Variants in ANOS1 observed in about 807,000 individuals in gnomAD.
ANOS1 encodes anosmin-1.
In ANOS1, 6 loss-of-function variants were observed where a neutral mutation model predicts 59.0. The observed-to-expected ratio is 0.10, with a 90% CI of 0.06 to 0.20. The LOEUF (loss-of-function observed/expected upper bound fraction) is 0.20, where lower values mean the gene tolerates loss of function less well. ANOS1 is among the 10% of genes least tolerant of loss of function. ANOS1 has a pLI of 1.00. For synonymous variants in ANOS1, 217 were observed against 223.4 expected, an observed-to-expected ratio of 0.97 and a Z score of 0.25; for missense variants, 433 against 542.3, an observed-to-expected ratio of 0.80 and a Z score of 2.00.
chrX:8,554,361 C>T (rs1929907034), intron 8 of ANOS1, among the ~76,000 whole-genome samples: 2 of 110,650 alleles, frequency 1.8e-5, no homozygotes, highest in Admixed American at 1.9e-4. Flanking sequence ...AACTCCCTCC[C>T]CTAGCCAAGG....
intron 1 of ANOS1, among the ~76,000 whole-genome samples, chrX:8,700,173 A>G (rs1255539861): frequency 8.9e-6 from 1 of 112,085 alleles, no homozygotes; most frequent in African/African-American, 3.2e-5. Flanking sequence ...ATCTTGTATT[A>G]GTCTGTTCTT....
chrX:8,562,328 T>A (rs894326498), intron 8 of ANOS1, among the ~76,000 whole-genome samples: 1 of 112,031 alleles, frequency 8.9e-6, no homozygotes. Context: ...ATTAAAATGA[T>A]TCAAGAAGAG....
chrX:8,563,670 G>A (rs1930066596), intron 8 of ANOS1, among the ~76,000 whole-genome samples: 1 of 112,356 alleles, frequency 8.9e-6, no homozygotes, highest in Non-Finnish European at 1.9e-5. Flanking sequence ...TTAGAGTGTG[G>A]CACAGAGCTG....
intron 3 of ANOS1, among the ~76,000 whole-genome samples, chrX:8,608,518 C>G (rs1326586401): frequency 4.5e-5 from 5 of 111,839 alleles, no homozygotes; most frequent in Non-Finnish European, 9.4e-5. Context: ...TCATATTTTA[C>G]CTCTTAGAGA....
At chrX:8,664,978 T>C (rs753384122) in intron 2 of ANOS1, among the ~76,000 whole-genome samples, 1 of 111,868 alleles carries the variant, frequency 8.9e-6, no homozygotes, top group South Asian at 3.8e-4. Flanking sequence ...GAACACTGTA[T>C]AAGCAGGCAC....
At chrX:8,697,945 C>A (rs1413968210) in intron 2 of ANOS1, among the ~76,000 whole-genome samples, 1 of 111,900 alleles carries the variant, frequency 8.9e-6, no homozygotes, top group East Asian at 2.8e-4. Context: ...AAAAAGCCCA[C>A]CTAGTACTTC....
At chrX:8,544,339 G>T (rs1421236242) in intron 9 of ANOS1, among the ~76,000 whole-genome samples, 2 of 85,707 alleles carry the variant, frequency 2.3e-5, no homozygotes, top group Non-Finnish European at 4.6e-5. Context: ...TTCCATCAGG[G>T]TAGGGATTTC....
chrX:8,574,429 C>T (rs140751533), intron 6 of ANOS1, among the ~76,000 whole-genome samples: 107 of 110,623 alleles, frequency 9.7e-4, no homozygotes, highest in African/African-American at 3.3e-3. Flanking sequence ...AAGTGTTGAT[C>T]TTGGGTATGT....
chrX:8,658,103 G>T (rs1323125771), intron 2 of ANOS1, among the ~76,000 whole-genome samples: 1 of 112,143 alleles, frequency 8.9e-6, no homozygotes, highest in African/African-American at 3.2e-5. Flanking sequence ...CAAGTTCTCA[G>T]ATAGAGAGTG....
At chrX:8,537,274 C>T (rs2146787790) in intron 10 of ANOS1, among the ~76,000 whole-genome samples, 1 of 111,563 alleles carries the variant, frequency 9.0e-6, no homozygotes, top group Admixed American at 9.6e-5. Context: ...ACAAATCTAA[C>T]TTTTTTCAGT....
intron 2 of ANOS1, among the ~76,000 whole-genome samples, chrX:8,698,095 T>C (rs777707741): frequency 1.9e-4 from 21 of 112,140 alleles, no homozygotes; most frequent in Non-Finnish European, 3.6e-4. Context: ...AGACAACCCT[T>C]CAATTTCTGT....
chrX:8,647,281 G>A (rs1285711727), intron 2 of ANOS1, among the ~76,000 whole-genome samples: 3 of 110,700 alleles, frequency 2.7e-5, no homozygotes, highest in African/African-American at 6.6e-5. Flanking sequence ...AACTGCCCCC[G>A]GGTTGAGAAC....
At chrX:8,655,238 G>A (rs1441693454) in intron 2 of ANOS1, among the ~76,000 whole-genome samples, 2 of 111,410 alleles carry the variant, frequency 1.8e-5, no homozygotes, top group African/African-American at 6.5e-5. Flanking sequence ...CCCATCTGGG[G>A]GTGATGGGAG....
intron 6 of ANOS1, among the ~76,000 whole-genome samples, chrX:8,583,013 T>C (rs1381707086): frequency 9.0e-6 from 1 of 111,651 alleles, no homozygotes; most frequent in East Asian, 2.8e-4. Flanking sequence ...ATGGAGGCTA[T>C]TGAGAGAAAG....
rs1929827609 is a variant in ANOS1 at position 8,549,754 on chromosome X, G to A, written c.1354+4198C>T. ...ATTCCACACAACAGACCTAGGAGGTGATCTATAATGTTTCCTCTAGTTCAT... is the reference window on the plus strand; with the variant it reads ...ATTCCACACAACAGACCTAGGAGGTAATCTATAATGTTTCCTCTAGTTCAT... On this transcript the variant is annotated intron_variant, in intron 9 of 13. Transcript: ENST00000262648. Among the ~76,000 whole-genome samples the A allele has an allele frequency of 3.6e-5, 4 of 112,182 alleles. 1 individual carries two copies. Among genetic ancestry groups the A allele is most frequent in the Admixed American group, 1.9e-4 (2 of 10,563 alleles).
chrX:8,623,662 C>T lies in ANOS1; in HGVS notation c.264G>A (p.Glu88=), dbSNP rs41304727. The T allele has an allele frequency of 5.6e-4, 661 of 1,188,262 alleles. No individual in the cohort carries two copies. The highest frequency in any genetic ancestry group is 1.1e-3 in the Admixed American group (48 of 45,702). The part of the protein sequence containing the change: ...QNHKQCSKCL[E]PCKESGDLRK... Reference sequence around the variant, plus strand: ...TCAGGTCCCCTGATTCCTTGCAGGGCTCCAGGCACTGGAAGAGAGGAACAA... The same window carrying T: ...TCAGGTCCCCTGATTCCTTGCAGGGTTCCAGGCACTGGAAGAGAGGAACAA... Residue 88 remains glutamate, a synonymous_variant, in exon 3 of 14, where the codon GAG becomes GAA. Coordinates refer to ENST00000262648, the MANE Select transcript of ANOS1 (RefSeq NM_000216.4).
chrX:8,567,937 G>A (rs1217642491), intron 8 of ANOS1, among the ~76,000 whole-genome samples: 1 of 112,273 alleles, frequency 8.9e-6, no homozygotes, highest in African/African-American at 3.2e-5. Context: ...ATATGTGCAC[G>A]TCATGTAAAC....
At chrX:8,543,805 G>A (rs3819768) in intron 9 of ANOS1, among the ~76,000 whole-genome samples, 58 of 110,929 alleles carry the variant, frequency 5.2e-4, no homozygotes, top group African/African-American at 1.7e-3. Context: ...TGGATGTTGC[G>A]GTGAGCTGAG....
chrX:8,705,090 G>A (rs1213480791), intron 1 of ANOS1, among the ~76,000 whole-genome samples: 2 of 111,385 alleles, frequency 1.8e-5, no homozygotes, highest in Non-Finnish European at 3.8e-5. Context: ...CAATGGTATT[G>A]GTATTTTTAC....
Sources: allele counts gnomAD v4.1 joint callset (sites outside exome capture counted in the v4.1 genomes callset), GRCh38; gene constraint gnomAD v4.1.1; transcripts MANE v1.5; gene names NCBI Gene and HGNC (gene_info 2026-07-23, HGNC 2026-07-21).